Variants in SMYD3 observed in about 807,000 individuals in gnomAD.
The protein encoded by SMYD3 is histone-lysine N-methyltransferase SMYD3.
Under a neutral mutation model 57.7 loss-of-function variants are expected in SMYD3, and 36 were observed. The ratio of observed to expected loss-of-function variants is 0.62; its 90% CI spans 0.48 to 0.82. SMYD3 has a LOEUF of 0.82. Ranked by LOEUF, SMYD3 falls within the 40% of genes least tolerant of loss-of-function variation. The pLI is 0.00. For synonymous variants in SMYD3, 211 were observed against 195.0 expected, an observed-to-expected ratio of 1.08 and a Z score of -0.68; for missense variants, 515 against 538.8, an observed-to-expected ratio of 0.96 and a Z score of 0.44.
At chr1:245,821,152 C>T (rs1333234243) in intron 10 of SMYD3, among the ~76,000 whole-genome samples, 9 of 150,006 alleles carry the variant, frequency 6.0e-5, no homozygotes, top group Non-Finnish European at 1.2e-4. Flanking sequence ...AACTATACTA[C>T]AAGGCTACAG....
intron 10 of SMYD3, among the ~76,000 whole-genome samples, chr1:245,793,753 T>C (rs2148199324): frequency 6.6e-6 from 1 of 152,290 alleles, no homozygotes; most frequent in African/African-American, 2.4e-5. Flanking sequence ...TAGCTTAGGC[T>C]AACGTGCAAA....
At chr1:245,785,979 A>G (rs1300519136) in intron 10 of SMYD3, among the ~76,000 whole-genome samples, 1 of 151,934 alleles carries the variant, frequency 6.6e-6, no homozygotes, top group African/African-American at 2.4e-5. Context: ...TACTGAGATT[A>G]CAGGTGTGAG....
chr1:246,106,319 T>A (rs542145841), intron 5 of SMYD3, among the ~76,000 whole-genome samples: 2 of 152,346 alleles, frequency 1.3e-5, no homozygotes, highest in East Asian at 3.9e-4. Context: ...AAATGTCTCA[T>A]TTAAGATTAC....
intron 1 of SMYD3, among the ~76,000 whole-genome samples, chr1:246,502,372 T>G (rs1227149475): frequency 2.0e-5 from 3 of 152,120 alleles, no homozygotes; most frequent in Non-Finnish European, 4.4e-5. Flanking sequence ...GCTCAAGCGA[T>G]CCACCTGCCT....
chr1:246,113,559 C>T (rs2061290172), intron 5 of SMYD3: 1 of 152,188 alleles, frequency 6.6e-6, no homozygotes, highest in African/African-American at 2.4e-5. Flanking sequence ...CGGTATAGTG[C>T]TGTGCTGCTT....
At chr1:246,166,653 T>G (rs1165827309) in intron 5 of SMYD3, among the ~76,000 whole-genome samples, 3 of 152,190 alleles carry the variant, frequency 2.0e-5, no homozygotes, top group African/African-American at 7.2e-5. Flanking sequence ...CTCAAGATAA[T>G]GTTTGCCTAT....
chr1:246,420,661 C>G (rs1009455613), intron 1 of SMYD3, among the ~76,000 whole-genome samples: 1 of 152,174 alleles, frequency 6.6e-6, no homozygotes, highest in African/African-American at 2.4e-5. Context: ...AATATCTGAT[C>G]TTTGGCTTGT....
intron 4 of SMYD3, among the ~76,000 whole-genome samples, chr1:246,329,375 T>C (rs985482786): frequency 2.6e-5 from 4 of 152,242 alleles, no homozygotes; most frequent in East Asian, 3.8e-4. Context: ...TTTTTAATGA[T>C]TGCCATTCTA....
rs1318707648 is a variant in SMYD3, at chr1:246,078,193, C to T, written c.532-148256G>A. 3.9e-5 allele frequency among the ~76,000 whole-genome samples: 6 copies of T among 152,124 alleles called. No individual in the cohort carries two copies. The East Asian group carries it at 1.2e-3, about 29-fold the overall frequency. ...TTGGGCTATTGTTATCCCAGTTTCACTCTTAGAAGACTTAAGGAGAAAAAG... is the reference window on the plus strand; with the variant it reads ...TTGGGCTATTGTTATCCCAGTTTCATTCTTAGAAGACTTAAGGAGAAAAAG... On this transcript the variant is annotated intron_variant, in intron 5 of 11. Coordinates refer to ENST00000490107, the MANE Select transcript of SMYD3 (RefSeq NM_001167740.2).
At chr1:245,996,869 C>G (rs949688980) in intron 5 of SMYD3, among the ~76,000 whole-genome samples, 1 of 152,238 alleles carries the variant, frequency 6.6e-6, no homozygotes, top group African/African-American at 2.4e-5. Context: ...CTTTACACTT[C>G]CTCCATCTCC....
intron 5 of SMYD3, among the ~76,000 whole-genome samples, chr1:245,946,941 G>A (rs150545867): frequency 6.6e-6 from 1 of 152,072 alleles, no homozygotes; most frequent in Admixed American, 6.5e-5. Flanking sequence ...ATATTTCTTT[G>A]TTAAGTCACT....
chr1:246,002,799 G>A (rs2059101208), intron 5 of SMYD3, among the ~76,000 whole-genome samples: 1 of 152,166 alleles, frequency 6.6e-6, no homozygotes, highest in Non-Finnish European at 1.5e-5. Context: ...ACCCAGCCTA[G>A]AGTGCAGTGG....
chr1:246,339,694 T>C (rs905142787), intron 2 of SMYD3, among the ~76,000 whole-genome samples: 2 of 152,338 alleles, frequency 1.3e-5, no homozygotes, highest in South Asian at 2.1e-4. Context: ...TCAAAGTTCA[T>C]GTGCTGGAAA....
At chr1:246,146,101 C>A (rs975394282) in intron 5 of SMYD3, among the ~76,000 whole-genome samples, 1 of 152,096 alleles carries the variant, frequency 6.6e-6, no homozygotes, top group Non-Finnish European at 1.5e-5. Flanking sequence ...GTATCCCTGC[C>A]CTCAGGGAGC....
intron 10 of SMYD3, among the ~76,000 whole-genome samples, chr1:245,796,620 G>GCT (rs1299954145): frequency 6.6e-6 from 1 of 152,062 alleles, no homozygotes; most frequent in Non-Finnish European, 1.5e-5. Context: ...GTGAGTATCA[G>GCT]CTCTCTCTCT....
intron 5 of SMYD3, among the ~76,000 whole-genome samples, chr1:246,105,579 T>C (rs1025871867): frequency 2.6e-5 from 4 of 152,130 alleles, no homozygotes; most frequent in Middle Eastern, 3.2e-3. Context: ...GTCTACAATT[T>C]GGAAAGAAAG....
At chr1:246,504,593 G>GT (rs1215734841) in intron 1 of SMYD3, among the ~76,000 whole-genome samples, 2 of 152,084 alleles carry the variant, frequency 1.3e-5, no homozygotes, top group Non-Finnish European at 1.5e-5. Flanking sequence ...ATCAATATCT[G>GT]TTTTTTTAAT....
chr1:246,064,958 TTC>T lies in SMYD3; in HGVS notation c.532-135023_532-135022del, dbSNP rs538216744. ...ATTACACTTTTGGTTTCGACTTACC[TTC>T]CCCAACCTCTTACTCTGATTACTTC... On this transcript the variant is annotated intron_variant, in intron 5 of 11. Transcript: ENST00000490107. Among the ~76,000 whole-genome samples, 72 of 152,364 alleles carry T rather than the reference TTC, an allele frequency of 4.7e-4. 1 individual carries two copies. Among genetic ancestry groups the T allele is most frequent in the African/African-American group, 1.7e-3 (70 of 41,590 alleles).
intron 10 of SMYD3, among the ~76,000 whole-genome samples, chr1:245,769,426 G>A (rs1332115069): frequency 6.6e-6 from 1 of 152,242 alleles, no homozygotes; most frequent in East Asian, 1.9e-4. Flanking sequence ...ACAAGGGACA[G>A]AGGGACAAGT....
Sources: gnomAD v4.1 joint callset for allele counts (sites outside exome capture counted in the v4.1 genomes callset) on GRCh38, gnomAD v4.1.1 for gene constraint, MANE v1.5 for transcripts, NCBI Gene and HGNC (gene_info 2026-07-23, HGNC 2026-07-21) for gene names.